Variants in CPNE4 observed in about 807,000 individuals in gnomAD.
The protein encoded by CPNE4 is copine-4.
CPNE4 carries 25 observed loss-of-function variants against 67.9 expected under a neutral mutation model. That is an observed-to-expected ratio of 0.37 (90% CI 0.27 to 0.51). The LOEUF (loss-of-function observed/expected upper bound fraction) is 0.51. Ranked by LOEUF, CPNE4 falls within the 20% of genes least tolerant of loss-of-function variation. The pLI, the probability that CPNE4 is intolerant of heterozygous loss-of-function variation, is 0.93. For synonymous variants in CPNE4, 242 were observed against 244.9 expected, an observed-to-expected ratio of 0.99 and a Z score of 0.11; for missense variants, 464 against 690.8, an observed-to-expected ratio of 0.67 and a Z score of 3.68.
intron 10 of CPNE4, 34 bp downstream of exon 10, chr3:131,575,037 T>C (rs757869277): frequency 6.3e-7 from 1 of 1,581,462 alleles, no homozygotes; most frequent in Non-Finnish European, 8.7e-7. Context: ...GATTCCTGAA[T>C]AAGAATCAAG....
At chr3:131,723,708 C>T in intron 2 of CPNE4, 83 bp from the exon 3 acceptor site, 1 of 1,251,886 alleles carries the variant, frequency 8.0e-7, no homozygotes, top group Non-Finnish European at 1.1e-6. Context: ...CAGAGCACTT[C>T]CCTTCTTCCC....
In CPNE4 at chr3:131,743,962, C is replaced by CAAAAAAA. The variant is rs67791015; in HGVS notation, c.181-20344_181-20338dup. Among the ~76,000 whole-genome samples the CAAAAAAA allele has an allele frequency of 2.5e-3, 145 of 59,174 alleles. 14 individuals carry two copies. The highest frequency in any genetic ancestry group is 7.0e-3 in the African/African-American group (95 of 13,580). The allele number at this position is 59,174 out of a possible 152,430, so 38.8% of individuals were successfully genotyped here. A position where few individuals can be genotyped will look rare whatever the true frequency, so the allele number is the denominator to read the frequency against. ...TGGGCGACAGAGCGAGACTCCGTCT[C>CAAAAAAA]AAAAAAAAAAAAAAAAAAAAAACAA... On this transcript the variant is annotated intron_variant, in intron 2 of 15. Coordinates refer to ENST00000429747, the MANE Select transcript of CPNE4 (RefSeq NM_130808.3).
chr3:131,668,549 T>C (rs2080319109), intron 7 of CPNE4, among the ~76,000 whole-genome samples: 1 of 152,196 alleles, frequency 6.6e-6, no homozygotes, highest in South Asian at 2.1e-4. Context: ...GTCTTCTCTG[T>C]GGTTTGCCCA....
chr3:131,701,233 TA>T, intron 3 of CPNE4, among the ~76,000 whole-genome samples: 5 of 151,662 alleles, frequency 3.3e-5, no homozygotes, highest in Non-Finnish European at 5.9e-5. Flanking sequence ...CCCTAGAACT[TA>T]AAGTACAATT....
intron 1 of CPNE4, among the ~76,000 whole-genome samples, chr3:132,026,300 GA>G (rs2074115053): frequency 6.6e-6 from 1 of 152,158 alleles, no homozygotes; most frequent in Non-Finnish European, 1.5e-5. Context: ...CTGCTACTTG[GA>G]AAAGCTTGCA....
At chr3:131,933,732 A>G (rs1410054748) in intron 1 of CPNE4, among the ~76,000 whole-genome samples, 1 of 152,078 alleles carries the variant, frequency 6.6e-6, no homozygotes, top group Non-Finnish European at 1.5e-5. Context: ...CATTTGTGAC[A>G]ATATTAATGA....
intron 1 of CPNE4, among the ~76,000 whole-genome samples, chr3:131,940,316 C>A (rs1348515684): frequency 6.6e-6 from 1 of 151,920 alleles, no homozygotes; most frequent in Admixed American, 6.6e-5. Flanking sequence ...TAGTATGATG[C>A]CAATTATATA....
At chr3:131,932,368 C>A (rs940867367) in intron 1 of CPNE4, among the ~76,000 whole-genome samples, 1 of 152,022 alleles carries the variant, frequency 6.6e-6, no homozygotes, top group Non-Finnish European at 1.5e-5. Flanking sequence ...ATCATCCAGT[C>A]AACATATATC....
At chr3:131,944,067 A>AT (rs1344747978) in intron 1 of CPNE4, among the ~76,000 whole-genome samples, 3 of 152,148 alleles carry the variant, frequency 2.0e-5, no homozygotes, top group South Asian at 2.1e-4. Context: ...GACAAGAACT[A>AT]TTTTTTTCAA....
chr3:131,955,530 C>T (rs1324529558), intron 1 of CPNE4, among the ~76,000 whole-genome samples: 1 of 147,004 alleles, frequency 6.8e-6, no homozygotes, highest in East Asian at 2.0e-4. Flanking sequence ...AGATGAAATG[C>T]CACAAAACAG....
chr3:131,536,811 G>T (rs1935172852), intron 15 of CPNE4, among the ~76,000 whole-genome samples: 1 of 152,198 alleles, frequency 6.6e-6, no homozygotes, highest in African/African-American at 2.4e-5. Flanking sequence ...CATGGTCCAT[G>T]TGTATACTGG....
intron 2 of CPNE4, among the ~76,000 whole-genome samples, chr3:131,802,641 G>T (rs1335235076): frequency 1.3e-5 from 2 of 152,142 alleles, no homozygotes; most frequent in Admixed American, 1.3e-4. Context: ...TCACAGCAAG[G>T]CTGTAAATGA....
At chr3:131,632,194 G>A (rs1380972267) in intron 7 of CPNE4, among the ~76,000 whole-genome samples, 1 of 151,894 alleles carries the variant, frequency 6.6e-6, no homozygotes, top group South Asian at 2.1e-4. Context: ...ATTTTCAGTA[G>A]AGTCGGGGTT....
At chr3:131,798,704 G>A (rs2083989617) in intron 2 of CPNE4, among the ~76,000 whole-genome samples, 1 of 152,040 alleles carries the variant, frequency 6.6e-6, no homozygotes, top group South Asian at 2.1e-4. Context: ...TCTCAACTAG[G>A]CAAGTGTTTA....
chr3:131,776,012 A>G (rs897154863), intron 2 of CPNE4, among the ~76,000 whole-genome samples: 2 of 152,090 alleles, frequency 1.3e-5, no homozygotes, highest in South Asian at 4.1e-4. Flanking sequence ...CAGCAGACAA[A>G]CAGTTACTCT....
intron 11 of CPNE4, among the ~76,000 whole-genome samples, chr3:131,560,310 C>T (rs1337933872): frequency 2.6e-5 from 4 of 152,036 alleles, no homozygotes; most frequent in African/African-American, 9.7e-5. Context: ...GGGGTTTGAG[C>T]CCGGGTCTAA....
chr3:131,650,068 GAGTCT>G (rs2079770076), intron 7 of CPNE4, among the ~76,000 whole-genome samples: 2 of 152,200 alleles, frequency 1.3e-5, no homozygotes, highest in Non-Finnish European at 2.9e-5. Context: ...CTGAGAGACA[GAGTCT>G]CTGTTGCTTG....
Position 132,034,977 on chromosome 3 carries a change from G to C in CPNE4, c.-412C>G, listed in dbSNP as rs2107708852. 1 of 985,556 alleles carries C rather than the reference G, an allele frequency of 1.0e-6. No homozygotes were observed. The highest frequency in any genetic ancestry group is 4.7e-5 in the South Asian group (1 of 21,292). The allele number at this position is 985,556 out of a possible 1,614,324, so 61.1% of individuals were successfully genotyped here. A position where few individuals can be genotyped will look rare whatever the true frequency, so the allele number is the denominator to read the frequency against. ...GAAGGGGACGAGCGGGTGGCGGGGAGATGGCAGCTTCTCACAGAGAGATTT... is the reference window on the plus strand; with the variant it reads ...GAAGGGGACGAGCGGGTGGCGGGGACATGGCAGCTTCTCACAGAGAGATTT... On this transcript the variant is annotated 5_prime_UTR_variant, in exon 1 of 16. The change creates a new upstream start codon in the 5' untranslated region. Transcript: ENST00000429747.
intron 1 of CPNE4, among the ~76,000 whole-genome samples, chr3:131,931,599 TAG>T (rs2071061533): frequency 6.6e-6 from 1 of 152,066 alleles, no homozygotes; most frequent in Non-Finnish European, 1.5e-5. Context: ...AGACAAAAAA[TAG>T]AGTCTTCCCC....
Sources: allele counts gnomAD v4.1 joint callset (sites outside exome capture counted in the v4.1 genomes callset), GRCh38; gene constraint gnomAD v4.1.1; transcripts MANE v1.5; gene names NCBI Gene and HGNC (gene_info 2026-07-23, HGNC 2026-07-21).